PSMA8: variants seen among roughly 807,000 people sequenced by gnomAD.
The protein encoded by PSMA8 is proteasome 20S subunit alpha 8.
In PSMA8, 18 loss-of-function variants were observed where a neutral mutation model predicts 32.4. The observed-to-expected ratio is 0.56, with a 90% confidence interval of 0.38 to 0.82. The LOEUF is 0.82. Among genes scored for constraint, PSMA8 ranks in the 40% least tolerant of loss-of-function variants. The probability of loss-of-function intolerance (pLI) is 0.00; values close to 1 mark genes in which losing one functional copy is unlikely to be tolerated. For missense variants in PSMA8, 298 were observed against 300.7 expected, an observed-to-expected ratio of 0.99 and a Z score of 0.07; for synonymous variants, 104 against 98.1, an observed-to-expected ratio of 1.06 and a Z score of -0.36.
chr18:26,152,296 C>T (rs942980373), intron 3 of PSMA8, among the ~76,000 whole-genome samples: 1 of 151,756 alleles, frequency 6.6e-6, no homozygotes, highest in Non-Finnish European at 1.5e-5. Flanking sequence ...CAGAGAAGTA[C>T]CTTTTTTGTT....
intron 4 of PSMA8, among the ~76,000 whole-genome samples, chr18:26,170,211 C>T: frequency 8.0e-6 from 1 of 124,562 alleles, no homozygotes. Flanking sequence ...TTCAGTCTTG[C>T]AATCTGCTTT....
rs1384906791 is a variant in PSMA8, at chr18:26,140,110, G to A, written c.103-4449G>A. ...CATGGATGTCTGCACATTTGAAAAA[G>A]TAAGTACCTCTTCAGATTAGCTTCA... is the stretch of plus-strand genomic sequence containing the variant. On this transcript the variant is annotated intron_variant, in intron 1 of 6. Coordinates refer to ENST00000415576, the MANE Select transcript of PSMA8 (RefSeq NM_001025096.2). 8.5e-6 allele frequency: 6 copies of A among 702,914 alleles called. No individual in the cohort carries two copies. In the East Asian group the frequency reaches 1.6e-4, roughly 19 times the overall value. 43.5% of individuals were successfully genotyped at this position (702,914 alleles called of 1,614,324 possible). A position where few individuals can be genotyped will look rare whatever the true frequency, so the allele number is the denominator to read the frequency against.
At chr18:26,152,603 G>A (rs1172539499) in intron 3 of PSMA8, among the ~76,000 whole-genome samples, 1 of 152,046 alleles carries the variant, frequency 6.6e-6, no homozygotes, top group African/African-American at 2.4e-5. Context: ...GGGATTATAG[G>A]CATGAGCCAC....
At chr18:26,144,070 T>A (rs1246324440) in intron 1 of PSMA8, among the ~76,000 whole-genome samples, 1 of 152,182 alleles carries the variant, frequency 6.6e-6, no homozygotes, top group Non-Finnish European at 1.5e-5. Context: ...ACAGCTCACA[T>A]TTATTTCAGT....
chr18:26,141,836 A>G (rs1194701549), intron 1 of PSMA8, among the ~76,000 whole-genome samples: 1 of 148,426 alleles, frequency 6.7e-6, no homozygotes, highest in Non-Finnish European at 1.5e-5. Flanking sequence ...ACAGGTGCAC[A>G]CACCATGCTC....
At chr18:26,185,824 G>T (rs1208032037) in intron 6 of PSMA8, among the ~76,000 whole-genome samples, 2 of 150,678 alleles carry the variant, frequency 1.3e-5, no homozygotes, top group Non-Finnish European at 3.0e-5. Context: ...GTTTTAATTT[G>T]TGGATCTTGA....
At chr18:26,135,087 C>T (rs1435822934) in intron 1 of PSMA8, among the ~76,000 whole-genome samples, 1 of 152,130 alleles carries the variant, frequency 6.6e-6, no homozygotes, top group African/African-American at 2.4e-5. Flanking sequence ...TTACACCCTA[C>T]CTTAGATTTA....
intron 3 of PSMA8, among the ~76,000 whole-genome samples, chr18:26,153,646 A>T (rs545103731): frequency 3.1e-4 from 47 of 152,178 alleles, no homozygotes; most frequent in Admixed American, 3.1e-3. Context: ...CTATCTTTTG[A>T]CATGTACTCA....
chr18:26,149,574 T>C (rs2055029312), intron 2 of PSMA8, among the ~76,000 whole-genome samples: 1 of 152,152 alleles, frequency 6.6e-6, no homozygotes, highest in African/African-American at 2.4e-5. Flanking sequence ...ACTGGCTTAA[T>C]GAAAGACATG....
In PSMA8 at chr18:26,171,155, T is replaced by C. The variant is rs768830719; in HGVS notation, c.478-7675T>C. 2.1e-4 allele frequency: 323 copies of C among 1,559,162 alleles called. 19 individuals are homozygous for C. Among genetic ancestry groups the C allele is most frequent in the Non-Finnish European group, 2.6e-4 (304 of 1,170,026 alleles). On this transcript the variant is annotated intron_variant, in intron 4 of 6. Transcript: ENST00000415576. ...TAATCACCAGATTCTGTTTACCTTCTACTGAAGAGGTTGTGGTCATTCTCT... is the reference window on the plus strand; with the variant it reads ...TAATCACCAGATTCTGTTTACCTTCCACTGAAGAGGTTGTGGTCATTCTCT...
chr18:26,155,716 GAAA>G (rs1221453882), intron 3 of PSMA8, among the ~76,000 whole-genome samples: 1 of 152,154 alleles, frequency 6.6e-6, no homozygotes, highest in African/African-American at 2.4e-5. Flanking sequence ...AAATATAGAG[GAAA>G]TGCTTTAGGA....
At chr18:26,134,820 G>A (rs1199403854) in intron 1 of PSMA8, among the ~76,000 whole-genome samples, 1 of 151,982 alleles carries the variant, frequency 6.6e-6, no homozygotes, top group Admixed American at 6.6e-5. Context: ...CAGGCGTGGT[G>A]GCGCATGCCT....
intron 4 of PSMA8, chr18:26,170,935 C>T (rs2055215603): frequency 6.4e-7 from 1 of 1,557,792 alleles, no homozygotes; most frequent in South Asian, 1.1e-5. Context: ...ACAGAACTGC[C>T]ACCAACTATC....
Position 26,152,074 on chromosome 18 carries a change from G to A in PSMA8, c.354+92G>A, listed in dbSNP as rs1165798529. ...GAAGTACTACAGTTACTCCAACCAT[G>A]TAGTCTATTAAATATATTAAATTTC... On this transcript the variant is annotated intron_variant, in intron 3 of 6. Coordinates refer to ENST00000415576, the MANE Select transcript of PSMA8 (RefSeq NM_001025096.2). 18 of 898,674 alleles carry A rather than the reference G, an allele frequency of 2.0e-5. No individual in the cohort carries two copies. The South Asian group carries it at 3.3e-4, about 17-fold the overall frequency. The allele number at this position is 898,674 out of a possible 1,614,324, so 55.7% of individuals were successfully genotyped here. A position where few individuals can be genotyped will look rare whatever the true frequency, so the allele number is the denominator to read the frequency against.
chr18:26,188,278 C>T (rs890100356), intron 6 of PSMA8, among the ~76,000 whole-genome samples: 13 of 148,096 alleles, frequency 8.8e-5, no homozygotes, highest in African/African-American at 3.2e-4. Context: ...ATATGGAATA[C>T]AGTGAAAGCA....
Position 26,135,395 on chromosome 18 carries a change from ACTTT to A in PSMA8, c.102+1333_102+1336del, listed in dbSNP as rs201301619. 5.8e-3 allele frequency among the ~76,000 whole-genome samples: 880 copies of A among 152,256 alleles called. 4 individuals carry two copies. The highest frequency in any genetic ancestry group is 9.0e-3 in the Non-Finnish European group (613 of 68,006). On this transcript the variant is annotated intron_variant, in intron 1 of 6. Coordinates refer to ENST00000415576, the MANE Select transcript of PSMA8 (RefSeq NM_001025096.2). The stretch of plus-strand genomic sequence containing the variant: ...AGTCTAGCAGTGTCTATATTTTCTG[ACTTT>A]CTTTGTTAAAGAAGGAAATAATTCA...
Position 26,133,949 on chromosome 18 carries a change from C to T in PSMA8, c.-17C>T, listed in dbSNP as rs1263077306. The T allele has an allele frequency of 6.2e-7, 1 of 1,603,720 alleles. No homozygotes were observed. Among genetic ancestry groups the T allele is most frequent in the Non-Finnish European group, 8.5e-7 (1 of 1,171,026 alleles). ...AGCAGCGGGAAGCTCGGTGGCAAGC[C>T]CTTGTAGTCCTGTGCGATGGCGTCT... On this transcript the variant is annotated 5_prime_UTR_variant, in exon 1 of 7. Coordinates refer to ENST00000415576, the MANE Select transcript of PSMA8 (RefSeq NM_001025096.2).
At chr18:26,157,022 C>G (rs886714129) in intron 3 of PSMA8, among the ~76,000 whole-genome samples, 1 of 151,070 alleles carries the variant, frequency 6.6e-6, no homozygotes, top group African/African-American at 2.4e-5. Context: ...TGGGCTCAAG[C>G]GATCTGCCTG....
At chr18:26,142,869 T>G (rs150505491) in intron 1 of PSMA8, among the ~76,000 whole-genome samples, 1 of 152,276 alleles carries the variant, frequency 6.6e-6, no homozygotes, top group African/African-American at 2.4e-5. Flanking sequence ...TACCTCCTGA[T>G]AGTATCACCT....
Sources: gnomAD v4.1 joint callset for allele counts (sites outside exome capture counted in the v4.1 genomes callset) on GRCh38, gnomAD v4.1.1 for gene constraint, MANE v1.5 for transcripts, NCBI Gene and HGNC (gene_info 2026-07-23, HGNC 2026-07-21) for gene names.